The following ADAM17 variants were observed in gnomAD, a reference collection of about 807,000 sequenced individuals.
The protein encoded by ADAM17 is ADAM metallopeptidase domain 17, also known as disintegrin and metalloproteinase domain-containing protein 17.
A neutral mutation model predicts 96.7 loss-of-function variants in ADAM17; 39 were observed. That is an observed-to-expected ratio of 0.40 (90% CI 0.31 to 0.53). The LOEUF is 0.53. Among genes scored for constraint, ADAM17 ranks in the 20% least tolerant of loss-of-function variants. ADAM17 has a pLI of 0.44. For synonymous variants in ADAM17, 344 were observed against 359.2 expected (o/e 0.96, Z 0.48); for missense variants, 777 against 1,013.2 (o/e 0.77, Z 3.17).
intron 15 of ADAM17, among the ~76,000 whole-genome samples, chr2:9,494,221 G>A (rs1558493659): frequency 6.6e-6 from 1 of 152,176 alleles, no homozygotes; most frequent in South Asian, 2.1e-4. Flanking sequence ...CTTCTCTAGA[G>A]AACAAAAGGG....
chr2:9,498,731 A>G (rs1157704367), intron 13 of ADAM17, among the ~76,000 whole-genome samples: 3 of 152,238 alleles, frequency 2.0e-5, no homozygotes, highest in African/African-American at 4.8e-5. Flanking sequence ...TACTGAAAGT[A>G]TGATGTCCAG....
chr2:9,520,964 C>CAAAAAAAAAAAA lies in ADAM17; in HGVS notation c.957+227_957+238dup, dbSNP rs55909096. The stretch of plus-strand genomic sequence containing the variant: ...GGGCAACAAGAGTGAAACTCTGTCT[C>CAAAAAAAAAAAA]AAAAAAAAAAAAAAAAAAAAAAGGA... On this transcript the variant is annotated intron_variant, in intron 8 of 18. Transcript: ENST00000310823. 2.8e-3 allele frequency among the ~76,000 whole-genome samples: 73 copies of CAAAAAAAAAAAA among 26,282 alleles called. 6 individuals are homozygous for CAAAAAAAAAAAA. The highest frequency in any genetic ancestry group is 3.5e-3 in the African/African-American group (28 of 8,074). The allele number at this position is 26,282 out of a possible 152,430, so 17.2% of individuals were successfully genotyped here. A position where few individuals can be genotyped will look rare whatever the true frequency, so the allele number is the denominator to read the frequency against.
chr2:9,520,321 A>G (rs1664253839), intron 8 of ADAM17, among the ~76,000 whole-genome samples: 2 of 152,216 alleles, frequency 1.3e-5, no homozygotes, highest in Non-Finnish European at 2.9e-5. Flanking sequence ...AACTCAAGAC[A>G]CTGGAATCAC....
chr2:9,546,815 T>C (rs1322690849), intron 1 of ADAM17, among the ~76,000 whole-genome samples: 1 of 134,434 alleles, frequency 7.4e-6, no homozygotes, highest in African/African-American at 4.0e-5. Flanking sequence ...GTTCAAGCGA[T>C]TCTCCTGTCT....
chr2:9,549,747 G>C (rs1665524758), intron 1 of ADAM17, among the ~76,000 whole-genome samples: 1 of 152,100 alleles, frequency 6.6e-6, no homozygotes, highest in South Asian at 2.1e-4. Context: ...TCAAACTCCT[G>C]GGCTCAAGTG....
rs1043848098 is a variant in ADAM17 at position 9,543,275 on chromosome 2, A to C, written c.108T>G (p.Asp36Glu). 1 of 1,590,432 alleles carries C rather than the reference A, an allele frequency of 6.3e-7. No homozygotes were observed. The highest frequency in any genetic ancestry group is 8.5e-7 in the Non-Finnish European group (1 of 1,172,534). Residue 36 changes from aspartate to glutamate, a missense_variant, in exon 2 of 19, where the codon GAT becomes GAG. By Grantham distance (45) the Asp-to-Glu change is conservative. Coordinates refer to ENST00000310823, the MANE Select transcript of ADAM17 (RefSeq NM_003183.6). ...GAATATCGTAGTCTGAGAGCAAAGA[A>C]TCAAGCTTCTCTGAAATAAAGGTAA... ...FGPHQRLEKL[D>E]SLLSDYDILS...
At chr2:9,521,394 G>C in intron 7 of ADAM17, 78 bp from the exon 8 acceptor site, 2 of 998,090 alleles carry the variant, frequency 2.0e-6, no homozygotes, top group Non-Finnish European at 2.9e-6. Flanking sequence ...TATTTTATCT[G>C]TTCAAAAAAA....
chr2:9,540,492 A>G (rs192125845), intron 2 of ADAM17, among the ~76,000 whole-genome samples: 1 of 152,296 alleles, frequency 6.6e-6, no homozygotes, highest in Admixed American at 6.5e-5. Context: ...GTAGCTATTA[A>G]TATTACCAAT....
intron 8 of ADAM17, 30 bp from the exon 9 acceptor site, chr2:9,518,277 A>G (rs1664156306): frequency 2.0e-6 from 3 of 1,515,248 alleles, no homozygotes; most frequent in South Asian, 1.3e-5. Context: ...AAAAAAAAAA[A>G]AAAAGCATTC....
intron 10 of ADAM17, among the ~76,000 whole-genome samples, chr2:9,514,681 G>A (rs1423012520): frequency 6.6e-6 from 1 of 150,756 alleles, no homozygotes; most frequent in African/African-American, 2.4e-5. Context: ...AGACCATCCT[G>A]GCTAACACAG....
In ADAM17 at chr2:9,555,681, G is replaced by A; in HGVS notation, c.-76C>T. 8.1e-7 allele frequency: 1 copy of A among 1,234,156 alleles called. No homozygotes were observed. The highest frequency in any genetic ancestry group is 1.1e-6 in the Non-Finnish European group (1 of 901,274). 76.5% of individuals were successfully genotyped at this position (1,234,156 alleles called of 1,614,324 possible). On this transcript the variant is annotated 5_prime_UTR_variant, in exon 1 of 19. Coordinates refer to ENST00000310823, the MANE Select transcript of ADAM17 (RefSeq NM_003183.6). ...GGGGTTTCGGAAAACTGCTCACATC[G>A]GGGGAGGACGGGATCCGCCCGGCCT...
intron 12 of ADAM17, among the ~76,000 whole-genome samples, chr2:9,504,450 A>G (rs1334572745): frequency 6.7e-6 from 1 of 149,234 alleles, no homozygotes; most frequent in African/African-American, 2.5e-5. Flanking sequence ...TCTCAAAATA[A>G]ATAAATAAAT....
At position 9,526,213 on chromosome 2, in the gene ADAM17, G is replaced by A. The variant is rs1280162090; in HGVS notation, c.651C>T (p.Asp217=). 3.7e-6 allele frequency: 6 copies of A among 1,613,732 alleles called. No homozygotes were observed. The highest frequency in any genetic ancestry group is 4.2e-6 in the Non-Finnish European group (5 of 1,179,850). ...ELVHRVKRRA[D]PDPMKNTCKL... ...TACACGTGTTCTTCATGGGATCTGGGTCAGCTCTTCTTTTCACTCGATGAA... is the reference window on the plus strand; with the variant it reads ...TACACGTGTTCTTCATGGGATCTGGATCAGCTCTTCTTTTCACTCGATGAA... Residue 217 remains aspartate (D), a synonymous_variant, in exon 6 of 19, where the codon GAC becomes GAT. Coordinates refer to ENST00000310823, the MANE Select transcript of ADAM17 (RefSeq NM_003183.6).
chr2:9,492,883 A>C lies in ADAM17; in HGVS notation c.2082+15T>G. On this transcript the variant is annotated intron_variant, in intron 17 of 18. Transcript: ENST00000310823. The stretch of plus-strand genomic sequence containing the variant: ...TTAAATAAAACATTTAATTACTTAA[A>C]AGTTGATGACTTACCACACAATGGA... 1 of 1,595,296 alleles carries C rather than the reference A, an allele frequency of 6.3e-7. No homozygotes were observed. The highest frequency in any genetic ancestry group is 8.6e-7 in the Non-Finnish European group (1 of 1,168,850).
Position 9,490,133 on chromosome 2 carries a change from T to C in ADAM17, c.*44A>G. On this transcript the variant is annotated 3_prime_UTR_variant, in exon 19 of 19. Coordinates refer to ENST00000310823, the MANE Select transcript of ADAM17 (RefSeq NM_003183.6). ...GTGATTGATTTGTAGGTCAAATCTA[T>C]AAAAATATTTTGCACACTTAAGTCA... is the stretch of plus-strand genomic sequence containing the variant. The C allele has an allele frequency of 6.6e-7, 1 of 1,506,478 alleles. No homozygotes were observed. The highest frequency in any genetic ancestry group is 9.0e-7 in the Non-Finnish European group (1 of 1,109,360). 93.3% of individuals were successfully genotyped at this position (1,506,478 alleles called of 1,614,324 possible).
chr2:9,499,671 G>A (rs929823269), intron 13 of ADAM17, among the ~76,000 whole-genome samples: 13 of 152,156 alleles, frequency 8.5e-5, no homozygotes, highest in Non-Finnish European at 1.8e-4. Context: ...CAAAGTGCTA[G>A]GATTACAGGT....
chr2:9,543,172 T>C lies in ADAM17; in HGVS notation c.211A>G (p.Thr71Ala). ...AATTACCTTTTCAAAGCTGAAAAAG[T>C]TAGTAGTGTTTCTACATGTGTTGAA... ...QTSTHVETLLTFSALKRHFKL... is the reference protein window; with the variant it reads ...QTSTHVETLLAFSALKRHFKL... The change falls in exon 2 of 19, where the codon ACT (threonine) becomes GCT (alanine). Residue 71 changes from threonine to alanine, a missense_variant. Physicochemically the swap from Thr to Ala is moderately conservative, Grantham distance 58. Around this residue, in one of 3 missense-constraint regions of ADAM17, gnomAD observed 134 missense variants for 129.1 expected, o/e 1.04. Transcript: ENST00000310823. 1.3e-6 allele frequency: 2 copies of C among 1,594,638 alleles called. No individual in the cohort carries two copies. Among genetic ancestry groups the C allele is most frequent in the East Asian group, 4.6e-5 (2 of 43,886 alleles).
Position 9,536,749 on chromosome 2 carries a change from C to A in ADAM17, c.310G>T (p.Glu104Ter). 2 of 1,614,042 alleles carry A rather than the reference C, an allele frequency of 1.2e-6. No individual in the cohort carries two copies. The highest frequency in any genetic ancestry group is 1.7e-6 in the Non-Finnish European group (2 of 1,179,978). ...FKVVVVDGKN[E>*]SEYTVKWQDF... The stretch of plus-strand genomic sequence containing the variant: ...TGCCATTTTACAGTGTACTCGCTTT[C>A]GTTTTTACCATCCACCACCACGACC... The change falls in exon 3 of 19, where the codon GAA becomes TAA. Residue 104 changes from glutamate to a stop codon, truncating the protein, a stop_gained. Transcript: ENST00000310823. LOFTEE classifies it high-confidence loss of function.
intron 14 of ADAM17, 122 bp downstream of exon 14, chr2:9,496,992 C>T: frequency 2.1e-6 from 3 of 1,451,374 alleles, no homozygotes; most frequent in Middle Eastern, 2.2e-4. Context: ...TCCCCATCCC[C>T]TCATCCTCGG....
Sources: gnomAD v4.1 joint callset for allele counts (sites outside exome capture counted in the v4.1 genomes callset) on GRCh38, gnomAD v4.1.1 for gene constraint, gnomAD v4.1.1 regional missense constraint, MANE v1.5 for transcripts, NCBI Gene and HGNC (gene_info 2026-07-23, HGNC 2026-07-21) for gene names.